Variants in CMKLR1 observed in about 807,000 individuals in gnomAD.
CMKLR1 encodes chemerin chemokine-like receptor 1, also known as chemerin-like receptor 1.
Under a neutral mutation model 8.2 loss-of-function variants are expected in CMKLR1, and 6 were observed. That is an observed-to-expected ratio of 0.73 (90% confidence interval 0.40 to 1.44). The LOEUF (loss-of-function observed/expected upper bound fraction) is 1.44, where lower values mean the gene tolerates loss of function less well. Among genes scored for constraint, CMKLR1 ranks in the 40% most tolerant of loss-of-function variants. The pLI, the probability that CMKLR1 is intolerant of heterozygous loss-of-function variation, is 0.02. For synonymous variants in CMKLR1, 178 were observed against 181.2 expected (o/e 0.98, Z 0.14); for missense variants, 429 against 478.0 (o/e 0.90, Z 0.96).
chr12:108,328,094 G>T (rs1224367255), intron 2 of CMKLR1, among the ~76,000 whole-genome samples: 1 of 151,970 alleles, frequency 6.6e-6, no homozygotes, highest in Non-Finnish European at 1.5e-5. Context: ...GGCTTTTCAT[G>T]GGGTGAGAGG....
chr12:108,311,292 A>ATG (rs1346550152), intron 2 of CMKLR1, among the ~76,000 whole-genome samples: 1 of 151,660 alleles, frequency 6.6e-6, no homozygotes, highest in Non-Finnish European at 1.5e-5. Context: ...GAATGTGTGT[A>ATG]TGTGTGCGTG....
intron 2 of CMKLR1, among the ~76,000 whole-genome samples, chr12:108,315,533 C>G (rs1566025318): frequency 6.6e-6 from 1 of 152,188 alleles, no homozygotes; most frequent in Non-Finnish European, 1.5e-5. Flanking sequence ...AGGCCCTAAG[C>G]TAAGCACACG....
intron 2 of CMKLR1, among the ~76,000 whole-genome samples, chr12:108,310,247 T>G (rs1344944860): frequency 6.6e-6 from 1 of 151,492 alleles, no homozygotes; most frequent in Non-Finnish European, 1.5e-5. Context: ...GAAGAGGGTT[T>G]CAGATTGTGA....
At chr12:108,309,379 G>A (rs1891492825) in intron 2 of CMKLR1, among the ~76,000 whole-genome samples, 1 of 152,252 alleles carries the variant, frequency 6.6e-6, no homozygotes, top group Admixed American at 6.5e-5. Context: ...ACACAGAGAG[G>A]GAGACATGGG....
chr12:108,335,531 C>A (rs72487528), intron 1 of CMKLR1, among the ~76,000 whole-genome samples: 1 of 152,198 alleles, frequency 6.6e-6, no homozygotes, highest in African/African-American at 2.4e-5. Flanking sequence ...GCCCTTATGC[C>A]TTTGGGGACC....
intron 1 of CMKLR1, among the ~76,000 whole-genome samples, chr12:108,331,654 C>G (rs1892111191): frequency 2.0e-5 from 3 of 152,184 alleles, no homozygotes; most frequent in South Asian, 4.1e-4. Flanking sequence ...TGGGATTATG[C>G]TGGATTACCC....
intron 1 of CMKLR1, among the ~76,000 whole-genome samples, chr12:108,337,811 C>T (rs1892264757): frequency 6.6e-6 from 1 of 152,134 alleles, no homozygotes; most frequent in African/African-American, 2.4e-5. Context: ...AAAGAAAAGG[C>T]CAAGCTGCCT....
Position 108,319,061 on chromosome 12 carries a change from G to A in CMKLR1, c.-74+10934C>T, listed in dbSNP as rs572283029. On this transcript the variant is annotated intron_variant, in intron 2 of 3. Coordinates refer to ENST00000550402, the MANE Select transcript of CMKLR1 (RefSeq NM_001142343.2). The stretch of plus-strand genomic sequence containing the variant: ...TGTAGCACTCACATCTTCCCAACTT[G>A]CCTCCCCTAGGGCCCCAAGGTGCTG... Among the ~76,000 whole-genome samples, 8 of 152,186 alleles carry A rather than the reference G, an allele frequency of 5.3e-5. No individual in the cohort carries two copies. The South Asian group carries it at 1.7e-3, about 32-fold the overall frequency.
chr12:108,337,120 T>C (rs1311455170), intron 1 of CMKLR1, among the ~76,000 whole-genome samples: 1 of 152,216 alleles, frequency 6.6e-6, no homozygotes, highest in East Asian at 1.9e-4. Flanking sequence ...TGGGAGTACC[T>C]TGCCTAAGAC....
chr12:108,294,867 A>G (rs1022340843), intron 2 of CMKLR1, among the ~76,000 whole-genome samples: 12 of 152,208 alleles, frequency 7.9e-5, no homozygotes, highest in African/African-American at 2.9e-4. Context: ...ACATAAATTC[A>G]TTACTGATCC....
chr12:108,297,707 G>A (rs112664145), intron 2 of CMKLR1, among the ~76,000 whole-genome samples: 1,565 of 152,262 alleles, frequency 0.01, 12 homozygotes, highest in African/African-American at 0.032. Flanking sequence ...AAGTGAAAAG[G>A]CTGTTGGGTT....
intron 2 of CMKLR1, among the ~76,000 whole-genome samples, chr12:108,318,076 A>G (rs1891775660): frequency 6.6e-6 from 1 of 152,252 alleles, no homozygotes; most frequent in South Asian, 2.1e-4. Context: ...TGATAGCTGC[A>G]TAGTATTCCA....
chr12:108,327,120 G>C (rs1891997559), intron 2 of CMKLR1, among the ~76,000 whole-genome samples: 1 of 152,200 alleles, frequency 6.6e-6, no homozygotes, highest in Non-Finnish European at 1.5e-5. Context: ...CCACCAAAGA[G>C]CAAAGAGCTA....
intron 2 of CMKLR1, among the ~76,000 whole-genome samples, chr12:108,311,283 A>AATGTATGTGTGT (rs1555252784): frequency 3.3e-4 from 50 of 151,714 alleles, no homozygotes; most frequent in Non-Finnish European, 6.2e-4. Context: ...GGTTGACATG[A>AATGTATGTGTGT]ATGTGTGTAT....
rs370635582 is a variant in CMKLR1 at position 108,292,665 on chromosome 12, C to T, written c.298G>A (p.Ala100Thr). 27 of 1,614,106 alleles carry T rather than the reference C, an allele frequency of 1.7e-5. No homozygotes were observed. Among genetic ancestry groups the T allele is most frequent in the East Asian group, 1.1e-4 (5 of 44,890 alleles). ...VFLPIHITYA[A>T]MDYHWVFGTA... ...CCGAAAACCCAGTGGTAGTCCATGGCGGCATAGGTGATATGGATTGGGAGG... is the reference window on the plus strand; with the variant it reads ...CCGAAAACCCAGTGGTAGTCCATGGTGGCATAGGTGATATGGATTGGGAGG... The change falls in exon 4 of 4, where the codon GCC (alanine) becomes ACC (threonine). Residue 100 changes from alanine to threonine, a missense_variant. By Grantham distance (58) the Ala-to-Thr change is moderately conservative. Transcript: ENST00000550402.
chr12:108,294,100 T>C (rs1422284373), intron 2 of CMKLR1, among the ~76,000 whole-genome samples: 1 of 152,250 alleles, frequency 6.6e-6, no homozygotes, highest in Non-Finnish European at 1.5e-5. Flanking sequence ...ACAGAGTACC[T>C]GCTATGTGCC....
At chr12:108,320,950 G>A (rs1297139550) in intron 2 of CMKLR1, among the ~76,000 whole-genome samples, 1 of 152,200 alleles carries the variant, frequency 6.6e-6, no homozygotes, top group Non-Finnish European at 1.5e-5. Flanking sequence ...GCCTAGTCTG[G>A]GTCCTCTTCA....
intron 2 of CMKLR1, among the ~76,000 whole-genome samples, chr12:108,298,270 T>G (rs886253329): frequency 6.6e-6 from 1 of 152,226 alleles, no homozygotes; most frequent in South Asian, 2.1e-4. Flanking sequence ...AATAATTGAT[T>G]GGGTGCACAT....
intron 2 of CMKLR1, among the ~76,000 whole-genome samples, chr12:108,323,936 G>A (rs1045735815): frequency 3.3e-5 from 5 of 152,218 alleles, no homozygotes; most frequent in Non-Finnish European, 7.3e-5. Context: ...AAGGACCTCT[G>A]ATAAGAGGCA....
Sources: gnomAD v4.1 joint callset for allele counts (sites outside exome capture counted in the v4.1 genomes callset) on GRCh38, gnomAD v4.1.1 for gene constraint, MANE v1.5 for transcripts, NCBI Gene and HGNC (gene_info 2026-07-23, HGNC 2026-07-21) for gene names.